ELFN1: variants seen among roughly 807,000 people sequenced by gnomAD.
ELFN1 encodes extracellular leucine rich repeat and fibronectin type III domain containing 1.
Under a neutral mutation model 7.6 loss-of-function variants are expected in ELFN1, and 6 were observed. That is an observed-to-expected ratio of 0.79 (90% CI 0.43 to 1.56). The LOEUF (loss-of-function observed/expected upper bound fraction) is 1.56. Among genes scored for constraint, ELFN1 ranks in the 40% most tolerant of loss-of-function variants. ELFN1 has a pLI of 0.01. For synonymous variants in ELFN1, 657 were observed against 588.1 expected, an observed-to-expected ratio of 1.12 and a Z score of -1.70; for missense variants, 1,169 against 1,232.2, an observed-to-expected ratio of 0.95 and a Z score of 0.77.
chr7:1,680,737 ATTTTTTTTTT>A (rs967183963), intron 1 of ELFN1, among the ~76,000 whole-genome samples: 6 of 128,908 alleles, frequency 4.7e-5, no homozygotes, highest in African/African-American at 1.5e-4. Context: ...TGGATTTACA[ATTTTTTTTTT>A]TTTTTTTTTT....
Position 1,747,849 on chromosome 7 carries a change from T to C in ELFN1, c.*766T>C, listed in dbSNP as rs1245234446. ...ATATTTCTATATTTGCAATGTTTGC[T>C]GTAAAATGAGAAAGAAAAAAAGACT... On this transcript the variant is annotated 3_prime_UTR_variant, in exon 4 of 4. Coordinates refer to ENST00000424383, the MANE Select transcript of ELFN1 (RefSeq NM_001128636.4). 1 of 159,556 alleles carries C rather than the reference T, an allele frequency of 6.3e-6. No homozygotes were observed. Among genetic ancestry groups the C allele is most frequent in the Non-Finnish European group, 1.5e-5 (1 of 67,248 alleles). The allele number at this position is 159,556 out of a possible 1,614,324, so 9.9% of individuals were successfully genotyped here.
At chr7:1,714,091 G>A (rs1260493868) in intron 3 of ELFN1, among the ~76,000 whole-genome samples, 12 of 152,216 alleles carry the variant, frequency 7.9e-5, no homozygotes, top group Admixed American at 7.2e-4. Context: ...AACCTGGGAC[G>A]TTGAGTTAGT....
Position 1,746,891 on chromosome 7 carries a change from C to T in ELFN1, c.2295C>T (p.Ser765=), listed in dbSNP as rs1235287372. ...PQYHSLSYSS[S]PEYTCRASQS... ...ACCACAGCCTGAGCTACTCCTCCAG[C>T]CCCGAGTACACCTGCCGGGCCTCCC... Residue 765 remains serine (S), a synonymous_variant, in exon 4 of 4, where the codon AGC becomes AGT. Transcript: ENST00000424383. 1.3e-6 allele frequency: 2 copies of T among 1,546,366 alleles called. No individual in the cohort carries two copies. Among genetic ancestry groups the T allele is most frequent in the Non-Finnish European group, 1.7e-6 (2 of 1,144,824 alleles).
At chr7:1,712,170 G>T (rs899292864) in intron 3 of ELFN1, among the ~76,000 whole-genome samples, 1 of 151,996 alleles carries the variant, frequency 6.6e-6, no homozygotes, top group Admixed American at 6.5e-5. Flanking sequence ...CCCCAAGTTT[G>T]TCTGTTTCTT....
At chr7:1,733,882 C>G (rs1009376725) in intron 3 of ELFN1, among the ~76,000 whole-genome samples, 1 of 152,110 alleles carries the variant, frequency 6.6e-6, no homozygotes, top group African/African-American at 2.4e-5. Flanking sequence ...CTCAGCTCCC[C>G]CAAAGGGTCC....
chr7:1,716,436 A>G (rs1217561058), intron 3 of ELFN1, among the ~76,000 whole-genome samples: 1 of 152,046 alleles, frequency 6.6e-6, no homozygotes, highest in Non-Finnish European at 1.5e-5. Context: ...TTTCTCCCCC[A>G]TCCTCCCTCC....
At chr7:1,682,532 C>A (rs760789454) in intron 1 of ELFN1, among the ~76,000 whole-genome samples, 27 of 152,014 alleles carry the variant, frequency 1.8e-4, no homozygotes, top group African/African-American at 2.4e-5. Context: ...CCTCGAATTC[C>A]TGGGCTCAAG....
At chr7:1,701,002 A>G (rs1349920209) in intron 2 of ELFN1, among the ~76,000 whole-genome samples, 1 of 152,206 alleles carries the variant, frequency 6.6e-6, no homozygotes, top group Non-Finnish European at 1.5e-5. Context: ...ATGAGATCAC[A>G]TTCTCTCAGA....
intron 3 of ELFN1, among the ~76,000 whole-genome samples, chr7:1,729,341 C>T (rs1346536893): frequency 1.3e-5 from 2 of 152,214 alleles, no homozygotes; most frequent in Admixed American, 1.3e-4. Flanking sequence ...TTCTTTTGCT[C>T]AGGGTTCTTG....
At chr7:1,738,398 T>G (rs971405014) in intron 3 of ELFN1, among the ~76,000 whole-genome samples, 3 of 152,152 alleles carry the variant, frequency 2.0e-5, no homozygotes, top group Non-Finnish European at 4.4e-5. Flanking sequence ...GGGCATGTCA[T>G]ATCTTTCCTG....
chr7:1,745,607 C>A lies in ELFN1; in HGVS notation c.1011C>A (p.Ser337Arg), dbSNP rs1257268462. 3.2e-6 allele frequency: 5 copies of A among 1,551,068 alleles called. No individual in the cohort carries two copies. In the East Asian group the frequency reaches 7.3e-5, roughly 23 times the overall value. ...NSATITVQLP[S>R]PFHRMYTLEH... The stretch of plus-strand genomic sequence containing the variant: ...CCACCATCACCGTCCAGCTGCCCAG[C>A]CCGTTCCACCGGATGTACACCCTGG... The change falls in exon 4 of 4, where the codon AGC (serine) becomes AGA (arginine). Residue 337 changes from serine (S) to arginine (R), a missense_variant. Transcript: ENST00000424383.
At chr7:1,686,669 T>C in intron 1 of ELFN1, among the ~76,000 whole-genome samples, 1 of 152,114 alleles carries the variant, frequency 6.6e-6, no homozygotes. Context: ...TCGGGTAGTT[T>C]TCAGGCCTGA....
At chr7:1,711,942 A>G (rs895016430) in intron 3 of ELFN1, among the ~76,000 whole-genome samples, 1 of 152,176 alleles carries the variant, frequency 6.6e-6, no homozygotes, top group African/African-American at 2.4e-5. Context: ...CGGCAGAGAG[A>G]ACACAGAGGC....
In ELFN1 at chr7:1,710,070, C is replaced by T. The variant is rs187324896; in HGVS notation, c.-294+818C>T. Among the ~76,000 whole-genome samples, 6 of 152,292 alleles carry T rather than the reference C, an allele frequency of 3.9e-5. No individual in the cohort carries two copies. The South Asian group carries it at 8.3e-4, about 21-fold the overall frequency. ...AATATCTAACTTGACCAGAAGGAGG[C>T]GCTATTGTTAAGCAACACAGTACAC... On this transcript the variant is annotated intron_variant, in intron 3 of 3. Coordinates refer to ENST00000424383, the MANE Select transcript of ELFN1 (RefSeq NM_001128636.4).
intron 2 of ELFN1, among the ~76,000 whole-genome samples, chr7:1,697,968 C>T (rs927715773): frequency 1.3e-5 from 2 of 152,174 alleles, no homozygotes; most frequent in South Asian, 2.1e-4. Context: ...GCCTGGGCTT[C>T]CCGCAGAGCC....
At chr7:1,725,147 G>A (rs761062598) in intron 3 of ELFN1, among the ~76,000 whole-genome samples, 6 of 152,240 alleles carry the variant, frequency 3.9e-5, no homozygotes, top group Non-Finnish European at 8.8e-5. Context: ...ATTAGGGAGG[G>A]GAAGCAGGTG....
Position 1,745,171 on chromosome 7 carries a change from T to A in ELFN1, c.575T>A (p.Phe192Tyr). 1 of 1,548,978 alleles carries A rather than the reference T, an allele frequency of 6.5e-7. No homozygotes were observed. The highest frequency in any genetic ancestry group is 1.4e-5 in the African/African-American group (1 of 73,176). ...GTGTGCGAGCTCTACAGCAACCCCT[T>A]CTACTGCTCCTGCGAGCTGCTGGGC... ...LSVCELYSNP[F>Y]YCSCELLGFL... Residue 192 changes from phenylalanine (F) to tyrosine (Y), a missense_variant, in exon 4 of 4, where the codon TTC becomes TAC. Transcript: ENST00000424383.
At chr7:1,699,943 G>A (rs968461946) in intron 2 of ELFN1, among the ~76,000 whole-genome samples, 4 of 151,566 alleles carry the variant, frequency 2.6e-5, no homozygotes, top group Admixed American at 1.3e-4. Context: ...CAGGTGACCC[G>A]CCCGCCTCAG....
chr7:1,702,867 G>C (rs1294160473), intron 2 of ELFN1, among the ~76,000 whole-genome samples: 1 of 151,100 alleles, frequency 6.6e-6, no homozygotes, highest in Admixed American at 6.6e-5. Context: ...AATCAGAGTG[G>C]TGGCAGCAAG....
Sources: gnomAD v4.1 joint callset for allele counts (sites outside exome capture counted in the v4.1 genomes callset) on GRCh38, gnomAD v4.1.1 for gene constraint, MANE v1.5 for transcripts, NCBI Gene and HGNC (gene_info 2026-07-23, HGNC 2026-07-21) for gene names.